The following CCDC120 variants were observed in gnomAD, a reference collection of about 807,000 sequenced individuals.
CCDC120 encodes coiled-coil domain-containing protein 120.
CCDC120 carries 16 observed loss-of-function variants against 37.6 expected under a neutral mutation model. The ratio of observed to expected loss-of-function variants is 0.43; its 90% CI spans 0.29 to 0.65. The LOEUF is 0.65. Ranked by LOEUF, CCDC120 falls within the 30% of genes least tolerant of loss-of-function variation. The pLI, the probability that CCDC120 is intolerant of heterozygous loss-of-function variation, is 0.18. For missense variants in CCDC120, 650 were observed against 657.4 expected, an observed-to-expected ratio of 0.99 and a Z score of 0.12; for synonymous variants, 309 against 275.4, an observed-to-expected ratio of 1.12 and a Z score of -1.21.
rs781829861 is a variant in CCDC120 at position 49,067,516 on chromosome X, G to GC, written c.1408dup (p.Arg470ProfsTer36). 1 of 1,165,249 alleles carries GC rather than the reference G, an allele frequency of 8.6e-7. No individual in the cohort carries two copies. Among genetic ancestry groups the GC allele is most frequent in the Non-Finnish European group, 1.1e-6 (1 of 870,469 alleles). On this transcript the variant is annotated frameshift_variant, in exon 10 of 11. Coordinates refer to ENST00000603986, the MANE Select transcript of CCDC120 (RefSeq NM_001163321.4). LOFTEE classifies it high-confidence loss of function. ...CTCAGCTGCCCCTGCCTCCCGAGGT[G>GC]CCCCCCGGCTCCCACCTGTGTGTGG...
upstream of CCDC120, chrX:49,058,886 G>T (rs2064850117): frequency 8.9e-6 from 1 of 112,137 alleles, no homozygotes; most frequent in Non-Finnish European, 1.9e-5. Flanking sequence ...TGCCCCCAGG[G>T]GTGACCCTAG....
chrX:49,064,773 G>A lies in CCDC120; in HGVS notation c.724+109G>A, dbSNP rs1298055994. ...ACCGGGAGGTAGGCACAACTCAAGT[G>A]GCCCAACCCGTGAGAAGAGTTGTGA... On this transcript the variant is annotated intron_variant, in intron 6 of 10. Coordinates refer to ENST00000603986, the MANE Select transcript of CCDC120 (RefSeq NM_001163321.4). The A allele has an allele frequency of 4.4e-6, 4 of 918,496 alleles. No homozygotes were observed. In the East Asian group the frequency reaches 1.4e-4, roughly 31 times the overall value. The allele number at this position is 918,496 out of a possible 1,213,427, so 75.7% of individuals were successfully genotyped here. A position where few individuals can be genotyped will look rare whatever the true frequency, so the allele number is the denominator to read the frequency against.
intron 4 of CCDC120, among the ~76,000 whole-genome samples, chrX:49,063,364 A>T (rs782543104): frequency 6.3e-5 from 7 of 110,266 alleles, no homozygotes; most frequent in East Asian, 2.8e-4. Flanking sequence ...AAAAAAAAAA[A>T]ATATGGTAAT....
chrX:49,064,320 C>T (rs1557080322), intron 5 of CCDC120, 50 bp from the exon 6 acceptor site: 7 of 1,116,150 alleles, frequency 6.3e-6, no homozygotes, highest in African/African-American at 1.8e-5. Flanking sequence ...GGTTTGGCCC[C>T]GCCAGGTCCC....
In CCDC120 at chrX:49,065,626, C is replaced by T. The variant is rs2064944220; in HGVS notation, c.960C>T (p.Thr320=). The T allele has an allele frequency of 5.0e-6, 6 of 1,208,890 alleles. No homozygotes were observed. In the East Asian group the frequency reaches 1.8e-4, roughly 36 times the overall value. The change falls in exon 8 of 11, where the codon ACC becomes ACT. Residue 320 remains threonine, a splice_region_variant and synonymous_variant. Coordinates refer to ENST00000603986, the MANE Select transcript of CCDC120 (RefSeq NM_001163321.4). The part of the protein sequence containing the change: ...KSRRNSVASP[T]SPTRSLPRSA... The stretch of plus-strand genomic sequence containing the variant: ...GGCGGAACTCTGTGGCCAGCCCCAC[C>T]AGGTGAGAATGAGCCCCTCCTCCCC...
chrX:49,061,394 A>C (rs1372274951), intron 1 of CCDC120, among the ~76,000 whole-genome samples: 1 of 112,141 alleles, frequency 8.9e-6, no homozygotes, highest in Non-Finnish European at 1.9e-5. Flanking sequence ...TCTATCTTTT[A>C]TTCATTCAGC....
At position 49,067,650 on chromosome X, in the gene CCDC120, C is replaced by T. The variant is rs782349835; in HGVS notation, c.1536C>T (p.Arg512=). The change falls in exon 10 of 11, where the codon CGC becomes CGT. Residue 512 remains arginine, a synonymous_variant. Coordinates refer to ENST00000603986, the MANE Select transcript of CCDC120 (RefSeq NM_001163321.4). ...CTGAGGTCCCAGGACCCCTCTCCCG[C>T]CGGGATGGGCTCCTCACCATGCTCC... ...PAAEVPGPLS[R]RDGLLTMLPG... The T allele has an allele frequency of 8.3e-7, 1 of 1,200,820 alleles. No individual in the cohort carries two copies. The highest frequency in any genetic ancestry group is 2.2e-5 in the Admixed American group (1 of 45,443).
intron 1 of CCDC120, 72 bp from the exon 2 acceptor site, chrX:49,061,887 A>G (rs1262985797): frequency 3.9e-6 from 4 of 1,020,736 alleles, no homozygotes; most frequent in Non-Finnish European, 5.1e-6. Context: ...TGTTGCAGGC[A>G]CCCAGGTGTT....
chrX:49,064,029 G>A lies in CCDC120; in HGVS notation c.429+28G>A, dbSNP rs2293944. 1.5e-4 allele frequency: 178 copies of A among 1,170,587 alleles called. 1 individual carries two copies. In the East Asian group the frequency reaches 5.3e-3, roughly 35 times the overall value. The stretch of plus-strand genomic sequence containing the variant: ...GAGCAGATGGGTGTGGAGAGCAAGA[G>A]GGTGGGAAGAGGGGACAGGTACAGA... On this transcript the variant is annotated intron_variant, in intron 5 of 10. Coordinates refer to ENST00000603986, the MANE Select transcript of CCDC120 (RefSeq NM_001163321.4).
chrX:49,055,397 C>A (rs2064824046), upstream of CCDC120, among the ~76,000 whole-genome samples: 1 of 111,861 alleles, frequency 8.9e-6, no homozygotes, highest in South Asian at 3.7e-4. Context: ...CTTTCCTGGA[C>A]TGAAAAAGAA....
Position 49,067,996 on chromosome X carries a change from C to T in CCDC120, c.1882C>T (p.Arg628Cys), listed in dbSNP as rs1313470950. The T allele has an allele frequency of 2.2e-5, 25 of 1,161,867 alleles. No homozygotes were observed. Among genetic ancestry groups the T allele is most frequent in the East Asian group, 6.5e-5 (2 of 30,582 alleles). The stretch of plus-strand genomic sequence containing the variant: ...GCCACACCCACCCTTCCTCCATGCC[C>T]GCTGCTATGAGGTGGGCCAGGCGCT... Reference protein sequence around the residue: ...GPPHPPFLHARCYEVGQALYG... With the variant: ...GPPHPPFLHACCYEVGQALYG... Residue 628 changes from arginine to cysteine, a missense_variant, in exon 10 of 11, where the codon CGC becomes TGC. Coordinates refer to ENST00000603986, the MANE Select transcript of CCDC120 (RefSeq NM_001163321.4).
At chrX:49,059,400 C>G in intron 1 of CCDC120, 3 of 736,538 alleles carry the variant, frequency 4.1e-6, no homozygotes, top group South Asian at 1.4e-4. Context: ...CCTATCCCTG[C>G]TTCCTTTCCT....
chrX:49,067,617 G>A lies in CCDC120; in HGVS notation c.1503G>A (p.Pro501=), dbSNP rs1602528717. 1.7e-6 allele frequency: 2 copies of A among 1,186,653 alleles called. No homozygotes were observed. Among genetic ancestry groups the A allele is most frequent in the Non-Finnish European group, 2.3e-6 (2 of 881,214 alleles). Residue 501 remains proline, a synonymous_variant, in exon 10 of 11, where the codon CCG becomes CCA. Coordinates refer to ENST00000603986, the MANE Select transcript of CCDC120 (RefSeq NM_001163321.4). The part of the protein sequence containing the change: ...SGGGTGWGEL[P]PAAEVPGPLS... ...GTGGAACAGGCTGGGGGGAGCTGCCGCCTGCAGCTGAGGTCCCAGGACCCC... is the reference window on the plus strand; with the variant it reads ...GTGGAACAGGCTGGGGGGAGCTGCCACCTGCAGCTGAGGTCCCAGGACCCC...
Position 49,062,682 on chromosome X carries a change from G to A in CCDC120, c.288+81G>A, listed in dbSNP as rs1602518527. 7.8e-6 allele frequency: 8 copies of A among 1,021,427 alleles called. No homozygotes were observed. The South Asian group carries it at 1.8e-4, about 23-fold the overall frequency. The allele number at this position is 1,021,427 out of a possible 1,213,427, so 84.2% of individuals were successfully genotyped here. On this transcript the variant is annotated intron_variant, in intron 4 of 10. Transcript: ENST00000603986. ...TGGGGCCCCTAGGTAGACAGACTTG[G>A]GTGGCAATTCCTCAACCACTTGTCT...
intron 1 of CCDC120, among the ~76,000 whole-genome samples, chrX:49,060,749 C>T (rs1419175735): frequency 9.0e-6 from 1 of 111,595 alleles, no homozygotes; most frequent in Admixed American, 9.5e-5. Flanking sequence ...GGCAGGGCAC[C>T]ACTGCTTCAA....
rs1428675734 is a variant in CCDC120, at chrX:49,067,949, C to T, written c.1835C>T (p.Pro612Leu). The change falls in exon 10 of 11, where the codon CCT (proline) becomes CTT (leucine). Residue 612 changes from proline to leucine, a missense_variant. This residue lies in a region of CCDC120 where 576 missense variants were observed against 565.3 expected (regional missense o/e 1.02). Coordinates refer to ENST00000603986, the MANE Select transcript of CCDC120 (RefSeq NM_001163321.4). Reference sequence around the variant, plus strand: ...CTGGCTGCGGGGCCCCAGCGCCGGCCTGTGCTCCCTTCCGTGGGCCCGCCA... The same window carrying T: ...CTGGCTGCGGGGCCCCAGCGCCGGCTTGTGCTCCCTTCCGTGGGCCCGCCA... ...SGLAAGPQRR[P>L]VLPSVGPPHP... 3.5e-6 allele frequency: 4 copies of T among 1,145,907 alleles called. No individual in the cohort carries two copies. Among genetic ancestry groups the T allele is most frequent in the Middle Eastern group, 2.7e-4 (1 of 3,711 alleles). The allele number at this position is 1,145,907 out of a possible 1,213,427, so 94.4% of individuals were successfully genotyped here. A position where few individuals can be genotyped will look rare whatever the true frequency, so the allele number is the denominator to read the frequency against.
chrX:49,067,120 C>T (rs781961010), intron 9 of CCDC120, 56 bp from the exon 10 acceptor site: 27 of 1,080,707 alleles, frequency 2.5e-5, no homozygotes, highest in Middle Eastern at 3.4e-4. Context: ...GGGCACTGCA[C>T]GCCTTCTGCC....
upstream of CCDC120, among the ~76,000 whole-genome samples, chrX:49,055,503 C>A (rs1557078249): frequency 9.0e-6 from 1 of 111,585 alleles, no homozygotes; most frequent in African/African-American, 3.3e-5. Flanking sequence ...CAATAAAAAT[C>A]TTGGTGCTAA....
chrX:49,056,749 A>G (rs2064833842), upstream of CCDC120, among the ~76,000 whole-genome samples: 1 of 111,661 alleles, frequency 9.0e-6, no homozygotes, highest in East Asian at 2.8e-4. Context: ...GTGAGACTGA[A>G]GGACACCAGC....
Sources: gnomAD v4.1 joint callset for allele counts (sites outside exome capture counted in the v4.1 genomes callset) on GRCh38, gnomAD v4.1.1 for gene constraint, gnomAD v4.1.1 regional missense constraint, MANE v1.5 for transcripts, NCBI Gene and HGNC (gene_info 2026-07-23, HGNC 2026-07-21) for gene names.